TRAPPC10: variants seen among roughly 807,000 people sequenced by gnomAD.
TRAPPC10 encodes TRAPP 130 kDa subunit.
TRAPPC10 carries 23 observed loss-of-function variants against 125.5 expected under a neutral mutation model. That is an observed-to-expected ratio of 0.18 (90% CI 0.13 to 0.26). The LOEUF (loss-of-function observed/expected upper bound fraction) is 0.26, where lower values mean the gene tolerates loss of function less well. TRAPPC10 is among the 10% of genes least tolerant of loss of function. The pLI is 1.00. For synonymous variants in TRAPPC10, 509 were observed against 518.0 expected, an observed-to-expected ratio of 0.98 and a Z score of 0.24; for missense variants, 1,123 against 1,308.4, an observed-to-expected ratio of 0.86 and a Z score of 2.19.
intron 4 of TRAPPC10, among the ~76,000 whole-genome samples, chr21:44,055,145 A>C (rs530011031): frequency 6.6e-6 from 1 of 152,296 alleles, no homozygotes; most frequent in South Asian, 2.1e-4. Context: ...CTCAGGGCTC[A>C]TGTAAATCCC....
intron 1 of TRAPPC10, among the ~76,000 whole-genome samples, chr21:44,028,012 C>T (rs1281174090): frequency 6.6e-6 from 1 of 152,142 alleles, no homozygotes; most frequent in Non-Finnish European, 1.5e-5. Flanking sequence ...TTATGGCAGC[C>T]TGAACAGAGT....
At chr21:44,071,097 C>G (rs746197930) in intron 7 of TRAPPC10, among the ~76,000 whole-genome samples, 1 of 152,164 alleles carries the variant, frequency 6.6e-6, no homozygotes, top group African/African-American at 2.4e-5. Flanking sequence ...CTTAAAGATA[C>G]TGTGTGGAAT....
intron 20 of TRAPPC10, 79 bp downstream of exon 20, chr21:44,094,312 G>A: frequency 7.6e-7 from 1 of 1,319,788 alleles, no homozygotes; most frequent in Middle Eastern, 2.5e-4. Context: ...CTGAAGAACT[G>A]AATAGACAGC....
intron 7 of TRAPPC10, among the ~76,000 whole-genome samples, chr21:44,072,143 A>C (rs1226396143): frequency 1.3e-5 from 2 of 152,228 alleles, no homozygotes; most frequent in African/African-American, 4.8e-5. Context: ...ACAAAGAACT[A>C]TTCTATAATC....
chr21:44,047,534 GT>G (rs2034928088), intron 3 of TRAPPC10, among the ~76,000 whole-genome samples: 2 of 88,294 alleles, frequency 2.3e-5, no homozygotes, highest in African/African-American at 9.2e-5. Context: ...GGGGGAGTAT[GT>G]GTGTGTGTGT....
rs560096165 is a variant in TRAPPC10, at chr21:44,042,082, A to G, written c.285+4155A>G. 2.2e-4 allele frequency among the ~76,000 whole-genome samples: 33 copies of G among 151,978 alleles called. 1 individual carries two copies. The East Asian group carries it at 6.2e-3, about 28-fold the overall frequency. ...TTCCTTGATTAAATTAGCTAGTTCG[A>G]TTTTTTCCCTCCAGAGAACCAGGAT... On this transcript the variant is annotated intron_variant, in intron 3 of 22. Coordinates refer to ENST00000291574, the MANE Select transcript of TRAPPC10 (RefSeq NM_003274.5).
chr21:44,048,452 A>G (rs2035005808), intron 3 of TRAPPC10, among the ~76,000 whole-genome samples: 1 of 151,390 alleles, frequency 6.6e-6, no homozygotes, highest in Non-Finnish European at 1.5e-5. Context: ...CCACTGATTC[A>G]TGTTTCTTGG....
intron 19 of TRAPPC10, among the ~76,000 whole-genome samples, chr21:44,093,524 G>A (rs932363754): frequency 6.6e-6 from 1 of 151,934 alleles, no homozygotes; most frequent in South Asian, 2.1e-4. Flanking sequence ...TTGGGAGGCC[G>A]AGGCAGGTGG....
rs572635156 is a variant in TRAPPC10, at chr21:44,083,517, G to A, written c.2238+215G>A. On this transcript the variant is annotated intron_variant, in intron 14 of 22. Coordinates refer to ENST00000291574, the MANE Select transcript of TRAPPC10 (RefSeq NM_003274.5). ...ATAAATTCTGAGTGAAGTTCTTAAC[G>A]TAGATATTTGTTCTTAGATTAAGTT... is the stretch of plus-strand genomic sequence containing the variant. Among the ~76,000 whole-genome samples, 6 of 152,296 alleles carry A rather than the reference G, an allele frequency of 3.9e-5. No individual in the cohort carries two copies. In the South Asian group the frequency reaches 8.3e-4, roughly 21 times the overall value.
chr21:44,048,482 GTTT>G (rs1020125264), intron 3 of TRAPPC10, among the ~76,000 whole-genome samples: 1 of 151,916 alleles, frequency 6.6e-6, no homozygotes, highest in Non-Finnish European at 1.5e-5. Context: ...TTTTGTTTTG[GTTT>G]TTGTTTGTTT....
At chr21:44,072,242 C>A (rs1193278491) in intron 7 of TRAPPC10, among the ~76,000 whole-genome samples, 1 of 152,032 alleles carries the variant, frequency 6.6e-6, no homozygotes, top group Admixed American at 6.6e-5. Flanking sequence ...TCAGGTGGCG[C>A]CTCAGCTCTC....
chr21:44,015,277 AAGAATAT>A (rs2031689303), intron 1 of TRAPPC10, among the ~76,000 whole-genome samples: 1 of 152,164 alleles, frequency 6.6e-6, no homozygotes, highest in Non-Finnish European at 1.5e-5. Flanking sequence ...CCTTTCTGGG[AAGAATAT>A]AGAATGTAAC....
Position 44,084,195 on chromosome 21 carries a change from A to T in TRAPPC10, c.2312A>T (p.His771Leu). The change falls in exon 15 of 23, where the codon CAC becomes CTC. Residue 771 changes from histidine to leucine, a missense_variant. This residue lies in a region of TRAPPC10 where 840 missense variants were observed against 902.0 expected (regional missense o/e 0.93). Transcript: ENST00000291574. ...GGCTCCGTGTGGTTCGTCCTCCCTC[A>T]CATCTACCCCATTGTGCAGTACGAC... ...SVGSVWFVLP[H>L]IYPIVQYDVY... The T allele has an allele frequency of 6.2e-7, 1 of 1,614,084 alleles. No homozygotes were observed. Among genetic ancestry groups the T allele is most frequent in the Non-Finnish European group, 8.5e-7 (1 of 1,180,034 alleles).
chr21:44,049,356 T>C (rs1056498586), intron 3 of TRAPPC10, among the ~76,000 whole-genome samples: 9 of 152,294 alleles, frequency 5.9e-5, no homozygotes, highest in Admixed American at 5.9e-4. Context: ...CTCCTCTGTG[T>C]TTCTGATGGG....
Position 44,075,157 on chromosome 21 carries a change from C to T in TRAPPC10, c.1300+4C>T. ...GGAGCTGAGCGACCAGAAACAGGTA[C>T]TTTTTTGTATATACCTGTGTGAGTG... On this transcript the variant is annotated splice_donor_region_variant and intron_variant, in intron 9 of 22. Transcript: ENST00000291574. 1 of 1,605,220 alleles carries T rather than the reference C, an allele frequency of 6.2e-7. No individual in the cohort carries two copies. The highest frequency in any genetic ancestry group is 8.5e-7 in the Non-Finnish European group (1 of 1,172,126).
intron 1 of TRAPPC10, among the ~76,000 whole-genome samples, chr21:44,027,679 C>T (rs1206564053): frequency 6.6e-6 from 1 of 152,160 alleles, no homozygotes; most frequent in Non-Finnish European, 1.5e-5. Context: ...ATAGCAGGCG[C>T]ACGGTGCTGT....
Position 44,059,846 on chromosome 21 carries a change from G to A in TRAPPC10, c.790+632G>A, listed in dbSNP as rs2035901105. On this transcript the variant is annotated intron_variant, in intron 6 of 22. Coordinates refer to ENST00000291574, the MANE Select transcript of TRAPPC10 (RefSeq NM_003274.5). This position sits in a 1 kb window ranked among gnomAD's most constrained non-coding sequence, Gnocchi z 4.4. ...GGGCATCTCTCCAGGTTAGCAGGTG[G>A]GGTTTGGAGTTGTTTTTGTTACAAT... 7.3e-6 allele frequency: 2 copies of A among 272,336 alleles called. No homozygotes were observed. Among genetic ancestry groups the A allele is most frequent in the South Asian group, 2.4e-4 (2 of 8,278 alleles). 16.9% of individuals were successfully genotyped at this position (272,336 alleles called of 1,614,324 possible). A position where few individuals can be genotyped will look rare whatever the true frequency, so the allele number is the denominator to read the frequency against.
At chr21:44,046,858 G>A (rs1601648055) in intron 3 of TRAPPC10, 8 of 731,926 alleles carry the variant, frequency 1.1e-5, no homozygotes, top group African/African-American at 3.6e-5. Context: ...CCTCTGCAGC[G>A]AGGTACTCCA....
At chr21:44,037,954 C>A in intron 3 of TRAPPC10, 27 bp downstream of exon 3, 1 of 1,607,922 alleles carries the variant, frequency 6.2e-7, no homozygotes, top group Non-Finnish European at 8.5e-7. Context: ...GAAGAGGATG[C>A]GCGGTGGGAT....
Sources: allele counts gnomAD v4.1 joint callset (sites outside exome capture counted in the v4.1 genomes callset), GRCh38; gene constraint gnomAD v4.1.1; regional missense constraint gnomAD v4.1.1; non-coding constraint Gnocchi (gnomAD v3.1); transcripts MANE v1.5; gene names NCBI Gene and HGNC (gene_info 2026-07-23, HGNC 2026-07-21).